The following HYCC1 variants were observed in gnomAD, a reference collection of about 807,000 sequenced individuals.
The protein encoded by HYCC1 is hyccin PI4KA lipid kinase complex subunit 1, also known as hyccin.
chr7:22,996,426 T>C, the HYCC1 span, among the ~76,000 whole-genome samples: 2 of 151,938 alleles, frequency 1.3e-5, no homozygotes, highest in Admixed American at 1.3e-4. Context: ...ACTTTTATTT[T>C]AGATTCAGGA....
the HYCC1 span, among the ~76,000 whole-genome samples, chr7:22,955,078 T>C: frequency 6.6e-6 from 1 of 151,636 alleles, no homozygotes; most frequent in Non-Finnish European, 1.5e-5. Flanking sequence ...GTTAGAGTAC[T>C]ATACTCCAGT....
At chr7:22,923,701 A>G in the HYCC1 span, among the ~76,000 whole-genome samples, 3 of 152,172 alleles carry the variant, frequency 2.0e-5, no homozygotes, top group Admixed American at 1.3e-4. Flanking sequence ...ATTAGAAGTA[A>G]AATAGGGGGC....
the HYCC1 span, among the ~76,000 whole-genome samples, chr7:22,981,703 A>G: frequency 8.5e-5 from 13 of 152,352 alleles, no homozygotes; most frequent in East Asian, 2.5e-3. Context: ...GGAAATATTT[A>G]TAAACTTTTA....
chr7:23,007,385 T>C, the HYCC1 span, among the ~76,000 whole-genome samples: 1 of 152,136 alleles, frequency 6.6e-6, no homozygotes, highest in African/African-American at 2.4e-5. Context: ...TGAGTCTCAG[T>C]TTATCTGTAG....
the HYCC1 span, among the ~76,000 whole-genome samples, chr7:22,962,302 A>C: frequency 6.6e-6 from 1 of 152,204 alleles, no homozygotes; most frequent in East Asian, 1.9e-4. Context: ...CTCTAAAAGC[A>C]CATACAAGTG....
chr7:22,971,790 T>G, the HYCC1 span, among the ~76,000 whole-genome samples: 7 of 151,782 alleles, frequency 4.6e-5, no homozygotes, highest in African/African-American at 1.7e-4. Context: ...TGAATAGTAA[T>G]GAGCACTTTT....
At chr7:22,962,404 C>G in the HYCC1 span, among the ~76,000 whole-genome samples, 1 of 151,890 alleles carries the variant, frequency 6.6e-6, no homozygotes, top group Non-Finnish European at 1.5e-5. Context: ...AGAAAACTGC[C>G]CTTGATGGTA....
the HYCC1 span, among the ~76,000 whole-genome samples, chr7:22,924,092 T>A: frequency 2.7e-5 from 4 of 148,842 alleles, no homozygotes; most frequent in East Asian, 5.9e-4. Flanking sequence ...GGTGTGAGAA[T>A]TGCTTGAACC....
chr7:22,996,909 T>A, the HYCC1 span, among the ~76,000 whole-genome samples: 1 of 152,170 alleles, frequency 6.6e-6, no homozygotes, highest in Admixed American at 6.6e-5. Context: ...TACTTGCATT[T>A]GTAAAAACTT....
At chr7:22,950,107 A>G in the HYCC1 span, among the ~76,000 whole-genome samples, 5 of 152,016 alleles carry the variant, frequency 3.3e-5, no homozygotes, top group Non-Finnish European at 5.9e-5. Flanking sequence ...GTGACCCGAC[A>G]TTCCCACCCA....
chr7:22,934,586 A>C, the HYCC1 span: 2 of 152,216 alleles, frequency 1.3e-5, no homozygotes, highest in African/African-American at 4.8e-5. Context: ...CAACAGAAGC[A>C]CTCACAAGGC....
chr7:22,911,282 TTTATTG>T, the HYCC1 span, among the ~76,000 whole-genome samples: 1 of 152,184 alleles, frequency 6.6e-6, no homozygotes, highest in Non-Finnish European at 1.5e-5. Flanking sequence ...GGCTCATTTG[TTTATTG>T]TTAATTACAA....
the HYCC1 span, among the ~76,000 whole-genome samples, chr7:23,000,101 C>T: frequency 1.3e-5 from 2 of 151,836 alleles, no homozygotes; most frequent in Admixed American, 6.6e-5. Context: ...TTTTTCTTTA[C>T]GGGAGATTTT....
the HYCC1 span, chr7:22,960,384 T>G: frequency 3.7e-6 from 6 of 1,613,496 alleles, no homozygotes; most frequent in Non-Finnish European, 5.1e-6. Flanking sequence ...CATGGGACCA[T>G]GAGGCAATGA....
the HYCC1 span, among the ~76,000 whole-genome samples, chr7:22,930,185 A>C: frequency 1.0e-5 from 1 of 100,232 alleles, no homozygotes; most frequent in Non-Finnish European, 1.8e-5. Context: ...CACACCGGGG[A>C]CTGTTGTGGG....
At chr7:22,978,362 T>A in the HYCC1 span, 1 of 1,614,084 alleles carries the variant, frequency 6.2e-7, no homozygotes, top group Non-Finnish European at 8.5e-7. Flanking sequence ...AAATTAGTTC[T>A]GGGAGAAATT....
the HYCC1 span, among the ~76,000 whole-genome samples, chr7:22,932,246 G>A: frequency 6.6e-6 from 1 of 152,196 alleles, no homozygotes; most frequent in East Asian, 1.9e-4. Flanking sequence ...AGGATTTTGT[G>A]CCAGTAGGAA....
the HYCC1 span, among the ~76,000 whole-genome samples, chr7:22,929,807 A>G: frequency 6.6e-6 from 1 of 152,230 alleles, no homozygotes; most frequent in Non-Finnish European, 1.5e-5. Flanking sequence ...ATCTAGAACT[A>G]GAAATACCAT....
chr7:22,915,972 TC>T, the HYCC1 span, among the ~76,000 whole-genome samples: 1 of 151,930 alleles, frequency 6.6e-6, no homozygotes, highest in South Asian at 2.1e-4. Flanking sequence ...CTTCACATCC[TC>T]CCCTTGTATC....
Sources: allele counts gnomAD v4.1 joint callset (sites outside exome capture counted in the v4.1 genomes callset), GRCh38; gene constraint gnomAD v4.1.1; transcripts MANE v1.5; gene names NCBI Gene and HGNC (gene_info 2026-07-23, HGNC 2026-07-21).